The following CLTC variants were observed in gnomAD, a reference collection of about 807,000 sequenced individuals.
The protein encoded by CLTC is clathrin heavy chain, also known as clathrin heavy chain 1.
CLTC carries 16 observed loss-of-function variants against 195.8 expected under a neutral mutation model. The ratio of observed to expected loss-of-function variants is 0.08; its 90% confidence interval spans 0.06 to 0.12. CLTC has a LOEUF of 0.12. CLTC is among the 10% of genes least tolerant of loss of function. The pLI is 1.00. For missense variants in CLTC, 796 were observed against 2,027.0 expected, an observed-to-expected ratio of 0.39 and a Z score of 11.66; for synonymous variants, 667 against 689.4, an observed-to-expected ratio of 0.97 and a Z score of 0.51.
Position 59,683,619 on chromosome 17 carries a change from T to C in CLTC, c.4192-6T>C. ...ACTGACTTATGTATGGATTTTCCCA[T>C]TGTAGGTTGCCAATGTGGAACTATA... is the stretch of plus-strand genomic sequence containing the variant. On this transcript the variant is annotated splice_polypyrimidine_tract_variant and splice_region_variant and intron_variant, in intron 26 of 31. Coordinates refer to ENST00000269122, the MANE Select transcript of CLTC (RefSeq NM_004859.4). The surrounding 1 kb of genome is among the most constrained non-coding windows in gnomAD (Gnocchi z 6.1). The C allele has an allele frequency of 6.2e-7, 1 of 1,614,010 alleles. No homozygotes were observed. The highest frequency in any genetic ancestry group is 8.5e-7 in the Non-Finnish European group (1 of 1,179,910).
At chr17:59,644,532 T>G in intron 2 of CLTC, 49 bp downstream of exon 2, 1 of 1,355,862 alleles carries the variant, frequency 7.4e-7, no homozygotes, top group African/African-American at 1.7e-5. Context: ...TGTTTTTGTT[T>G]TTTTTTGTTT....
chr17:59,656,666 A>ATTTTT (rs55669818), intron 6 of CLTC, among the ~76,000 whole-genome samples: 458 of 96,102 alleles, frequency 4.8e-3, no homozygotes, highest in Non-Finnish European at 6.8e-3. Flanking sequence ...TATTATTTTA[A>ATTTTT]TTTTTTTTTT....
chr17:59,657,758 ACT>A (rs1348700621), intron 6 of CLTC, among the ~76,000 whole-genome samples: 11 of 142,268 alleles, frequency 7.7e-5, no homozygotes, highest in South Asian at 6.6e-4. Flanking sequence ...ACAGAGCAAG[ACT>A]CTGTCTCAAA....
At chr17:59,627,818 TACTG>T (rs1273764387) in intron 1 of CLTC, among the ~76,000 whole-genome samples, 1 of 152,226 alleles carries the variant, frequency 6.6e-6, no homozygotes, top group Non-Finnish European at 1.5e-5. Context: ...GACTTTTTCT[TACTG>T]AAAAGAATGA....
intron 10 of CLTC, 137 bp downstream of exon 10, chr17:59,665,046 G>A (rs1161989812): frequency 1.2e-5 from 14 of 1,127,040 alleles, no homozygotes; most frequent in Non-Finnish European, 1.7e-5. Flanking sequence ...GCAACATTGT[G>A]AGACCCTGTA....
chr17:59,673,783 T>A lies in CLTC; in HGVS notation c.2418+11T>A, dbSNP rs749535005. The A allele has an allele frequency of 2.1e-5, 23 of 1,073,472 alleles. No homozygotes were observed. In the South Asian group the frequency reaches 2.9e-4, roughly 13 times the overall value. 66.5% of individuals were successfully genotyped at this position (1,073,472 alleles called of 1,614,324 possible). Reference sequence around the variant, plus strand: ...ATATATGTACAGAAGGTAAGTAATATGTAGGTAATGTAAAGGTATAATCTT... The same window carrying A: ...ATATATGTACAGAAGGTAAGTAATAAGTAGGTAATGTAAAGGTATAATCTT... On this transcript the variant is annotated intron_variant, in intron 15 of 31. Coordinates refer to ENST00000269122, the MANE Select transcript of CLTC (RefSeq NM_004859.4).
chr17:59,669,053 C>G, intron 14 of CLTC, 113 bp downstream of exon 14: 1 of 901,266 alleles, frequency 1.1e-6, no homozygotes, highest in Non-Finnish European at 1.6e-6. Flanking sequence ...TGTTAGCATT[C>G]TTAAGTTGTG....
chr17:59,629,999 T>C (rs1235596160), intron 1 of CLTC, among the ~76,000 whole-genome samples: 1 of 152,242 alleles, frequency 6.6e-6, no homozygotes, highest in East Asian at 1.9e-4. Flanking sequence ...AGTTTAAATA[T>C]AATTTTGTGT....
chr17:59,668,894 G>A lies in CLTC; in HGVS notation c.2246G>A (p.Arg749Lys), dbSNP rs1453039591. The A allele has an allele frequency of 1.9e-6, 3 of 1,613,382 alleles. No individual in the cohort carries two copies. The highest frequency in any genetic ancestry group is 2.5e-6 in the Non-Finnish European group (3 of 1,179,770). ...GQIKEVERIC[R>K]ESNCYDPERV... ...ATCAAAGAAGTAGAAAGAATCTGTA[G>A]AGAAAGCAACTGCTACGATCCTGAG... Residue 749 changes from arginine (R) to lysine (K), a missense_variant, in exon 14 of 32, where the codon AGA becomes AAA. Arg to Lys is a conservative substitution (Grantham distance 26, BLOSUM62 2). Coordinates refer to ENST00000269122, the MANE Select transcript of CLTC (RefSeq NM_004859.4).
intron 1 of CLTC, among the ~76,000 whole-genome samples, chr17:59,637,698 CA>C (rs35693192): frequency 0.72 from 82,254 of 113,486 alleles, 28,506 homozygotes; most frequent in South Asian, 0.89. Flanking sequence ...CCTATCTCTA[CA>C]AAAAAAAAAA....
intron 8 of CLTC, among the ~76,000 whole-genome samples, 176 bp from the exon 9 acceptor site, chr17:59,663,666 A>T (rs1239214362): frequency 6.6e-6 from 1 of 152,238 alleles, no homozygotes; most frequent in African/African-American, 2.4e-5. Flanking sequence ...CTACTGAGAC[A>T]TTGCTGTGAA....
intron 1 of CLTC, among the ~76,000 whole-genome samples, chr17:59,641,795 C>T (rs1020910995): frequency 6.6e-6 from 1 of 151,876 alleles, no homozygotes; most frequent in Non-Finnish European, 1.5e-5. Flanking sequence ...ATAAGGATTA[C>T]ATAGATTAGG....
At chr17:59,622,790 G>A (rs2031423710) in intron 1 of CLTC, among the ~76,000 whole-genome samples, 1 of 152,166 alleles carries the variant, frequency 6.6e-6, no homozygotes, top group Admixed American at 6.5e-5. Context: ...CAAGAAATGG[G>A]GAACTTAAGT....
intron 16 of CLTC, among the ~76,000 whole-genome samples, chr17:59,676,635 T>G (rs1029363940): frequency 6.6e-6 from 1 of 152,196 alleles, no homozygotes; most frequent in Non-Finnish European, 1.5e-5. Context: ...ATTTTGAGTC[T>G]TAATTTCCCA....
intron 16 of CLTC, among the ~76,000 whole-genome samples, chr17:59,676,113 A>G (rs1489480883): frequency 6.6e-6 from 1 of 152,126 alleles, no homozygotes; most frequent in South Asian, 2.1e-4. Flanking sequence ...AGCTAAGGTG[A>G]GAGGATTGCT....
rs1180982389 is a variant in CLTC at position 59,660,538 on chromosome 17, G to A, written c.1117G>A (p.Ala373Thr). ...TGCCCGGAAATTTAATGCTCTTTTTGCCCAGGGAAATTACTCGGAGGCAGC... is the reference window on the plus strand; with the variant it reads ...TGCCCGGAAATTTAATGCTCTTTTTACCCAGGGAAATTACTCGGAGGCAGC... ...LFARKFNALF[A>T]QGNYSEAAKV... Residue 373 changes from alanine to threonine, a missense_variant, in exon 7 of 32, where the codon GCC becomes ACC. Ala to Thr is a moderately conservative substitution (Grantham distance 58). This residue lies in a region of CLTC where 293 missense variants were observed against 795.6 expected (regional missense o/e 0.37). Coordinates refer to ENST00000269122, the MANE Select transcript of CLTC (RefSeq NM_004859.4). The A allele has an allele frequency of 6.2e-7, 1 of 1,614,098 alleles. No homozygotes were observed. Among genetic ancestry groups the A allele is most frequent in the South Asian group, 1.1e-5 (1 of 91,082 alleles).
chr17:59,650,159 T>C (rs1465133896), intron 4 of CLTC, among the ~76,000 whole-genome samples: 1 of 152,180 alleles, frequency 6.6e-6, no homozygotes, highest in Non-Finnish European at 1.5e-5. Context: ...AAGGAAAATA[T>C]ATAGTACTTT....
At chr17:59,622,214 A>G (rs188014359) in intron 1 of CLTC, among the ~76,000 whole-genome samples, 67 of 152,330 alleles carry the variant, frequency 4.4e-4, no homozygotes, top group African/African-American at 1.6e-3. Flanking sequence ...TTGCAAATTG[A>G]AAAATTCAGT....
In CLTC at chr17:59,695,548, C is replaced by T; in HGVS notation, c.*1696C>T. The T allele has an allele frequency of 5.6e-6, 1 of 177,752 alleles. No homozygotes were observed. The highest frequency in any genetic ancestry group is 9.5e-5 in the East Asian group (1 of 10,522). 11.0% of individuals were successfully genotyped at this position (177,752 alleles called of 1,614,324 possible). ...GATGCCTATAAGATCCTAGCTGCTA[C>T]TCAGGAGGCAGGAGGCTGAGGCATG... On this transcript the variant is annotated 3_prime_UTR_variant, in exon 32 of 32. Transcript: ENST00000269122.
Sources: gnomAD v4.1 joint callset for allele counts (sites outside exome capture counted in the v4.1 genomes callset) on GRCh38, gnomAD v4.1.1 for gene constraint, gnomAD v4.1.1 regional missense constraint, Gnocchi (gnomAD v3.1) non-coding constraint, MANE v1.5 for transcripts, NCBI Gene and HGNC (gene_info 2026-07-23, HGNC 2026-07-21) for gene names.